The following KLHL22 variants were observed in gnomAD, a reference collection of about 807,000 sequenced individuals.
KLHL22 encodes the protein kelch like family member 22.
A neutral mutation model predicts 60.7 loss-of-function variants in KLHL22; 18 were observed. That is an observed-to-expected ratio of 0.30 (90% CI 0.20 to 0.44). The LOEUF is 0.44. KLHL22 is among the 20% of genes least tolerant of loss of function. The pLI, the probability that KLHL22 is intolerant of heterozygous loss-of-function variation, is 1.00. For synonymous variants in KLHL22, 355 were observed against 354.5 expected (o/e 1.00, Z -0.01); for missense variants, 596 against 852.3 (o/e 0.70, Z 3.74).
In KLHL22 at chr22:20,483,485, CCTT is replaced by C. The variant is rs554610910; in HGVS notation, c.227+5497_227+5499del. 274 of 741,400 alleles carry C rather than the reference CCTT, an allele frequency of 3.7e-4. No homozygotes were observed. The African/African-American group carries it at 3.8e-3, about 10-fold the overall frequency. The allele number at this position is 741,400 out of a possible 1,614,324, so 45.9% of individuals were successfully genotyped here. On this transcript the variant is annotated intron_variant, in intron 2 of 6. Coordinates refer to ENST00000328879, the MANE Select transcript of KLHL22 (RefSeq NM_032775.4). ...TTCTTCTTCATGAAGAGCAGCTCCT[CCTT>C]GAGAGCTTCGATCTCTGTCTCCAGC... is the stretch of plus-strand genomic sequence containing the variant.
intron 5 of KLHL22, chr22:20,449,986 C>T (rs1186624859): frequency 1.0e-5 from 6 of 576,012 alleles, no homozygotes; most frequent in Non-Finnish European, 1.9e-5. Context: ...GCTTCGGCTC[C>T]TCCTGAGCCA....
At chr22:20,463,696 G>A (rs1376704126) in intron 4 of KLHL22, among the ~76,000 whole-genome samples, 4 of 152,238 alleles carry the variant, frequency 2.6e-5, no homozygotes, top group Non-Finnish European at 5.9e-5. Context: ...GTTTAGAGAG[G>A]AAATGAAGGT....
chr22:20,492,631 C>G (rs1048425381), intron 1 of KLHL22, among the ~76,000 whole-genome samples: 1 of 151,848 alleles, frequency 6.6e-6, no homozygotes, highest in African/African-American at 2.4e-5. Flanking sequence ...GCTCTGTCAC[C>G]CAGGCTAGAG....
chr22:20,479,573 G>A (rs972074896), intron 2 of KLHL22, among the ~76,000 whole-genome samples: 2 of 151,608 alleles, frequency 1.3e-5, no homozygotes, highest in Non-Finnish European at 2.9e-5. Context: ...CAGGCATGGT[G>A]GTGCATGCCT....
Position 20,452,760 on chromosome 22 carries a change from A to T in KLHL22, c.1305+5048T>A, listed in dbSNP as rs1199400459. 3.3e-5 allele frequency among the ~76,000 whole-genome samples: 5 copies of T among 152,334 alleles called. No individual in the cohort carries two copies. The East Asian group carries it at 9.6e-4, about 29-fold the overall frequency. On this transcript the variant is annotated intron_variant, in intron 5 of 6. Transcript: ENST00000328879. ...AAAGCCTTTCTTTGTTGAATCAAAT[A>T]CTACTACACTATTACACTTCCACAC... is the stretch of plus-strand genomic sequence containing the variant.
intron 5 of KLHL22, chr22:20,456,199 C>T (rs2053060061): frequency 6.6e-6 from 1 of 152,184 alleles, no homozygotes; most frequent in Non-Finnish European, 1.5e-5. Context: ...TCCAGTTCAG[C>T]CCCCTCTTCA....
intron 1 of KLHL22, 112 bp from the exon 2 acceptor site, chr22:20,489,356 C>T: frequency 1.4e-6 from 1 of 738,726 alleles, no homozygotes; most frequent in Non-Finnish European, 2.3e-6. Context: ...CTCAGGCTCA[C>T]CTGTTTTCCC....
chr22:20,444,816 G>A (rs2052829543), intron 6 of KLHL22, among the ~76,000 whole-genome samples: 1 of 132,992 alleles, frequency 7.5e-6, no homozygotes. Context: ...ACAAGGTCTC[G>A]CTCTGTTGCC....
chr22:20,483,115 A>G, intron 2 of KLHL22: 1 of 642,648 alleles, frequency 1.6e-6, no homozygotes, highest in Non-Finnish European at 2.8e-6. Context: ...TCTACAGGGC[A>G]TAGAAGGCCT....
intron 1 of KLHL22, among the ~76,000 whole-genome samples, chr22:20,493,759 C>CA (rs1185059843): frequency 2.0e-5 from 3 of 151,968 alleles, no homozygotes; most frequent in Non-Finnish European, 2.9e-5. Context: ...AAAAAACAAA[C>CA]AAAAAAACAA....
At chr22:20,490,908 A>ACCCCTGCTCTAATTCAACTCTAACACTAC (rs1385577180) in intron 1 of KLHL22, among the ~76,000 whole-genome samples, 1 of 151,896 alleles carries the variant, frequency 6.6e-6, no homozygotes, top group East Asian at 1.9e-4. Flanking sequence ...GGGGTTGCGG[A>ACCCCTGCTCTAATTCAACTCTAACACTAC]CCCCTGCTCT....
chr22:20,489,285 G>T, intron 1 of KLHL22, 41 bp from the exon 2 acceptor site: 1 of 1,452,876 alleles, frequency 6.9e-7, no homozygotes, highest in Non-Finnish European at 9.6e-7. Flanking sequence ...GAGCAGGCAG[G>T]CATCAGCCCC....
chr22:20,484,904 T>TA (rs1199112726), intron 2 of KLHL22, among the ~76,000 whole-genome samples: 4 of 151,930 alleles, frequency 2.6e-5, no homozygotes, highest in Admixed American at 2.0e-4. Flanking sequence ...CCCAGCTAAT[T>TA]AAAAAAAATT....
intron 2 of KLHL22, chr22:20,483,692 G>A: frequency 2.7e-6 from 2 of 735,542 alleles, no homozygotes; most frequent in Non-Finnish European, 5.0e-6. Flanking sequence ...GCAAAGATCT[G>A]AGCCCTCAGG....
intron 2 of KLHL22, among the ~76,000 whole-genome samples, chr22:20,480,511 C>G (rs1404882349): frequency 1.3e-5 from 2 of 152,144 alleles, no homozygotes; most frequent in African/African-American, 4.8e-5. Context: ...AATGGCAAAC[C>G]AGTATGCTGC....
intron 1 of KLHL22, chr22:20,489,667 C>T: frequency 2.1e-6 from 1 of 470,574 alleles, no homozygotes; most frequent in Non-Finnish European, 4.4e-6. Flanking sequence ...GAACATGAAG[C>T]ATAAGCACAC....
intron 2 of KLHL22, 79 bp from the exon 3 acceptor site, chr22:20,471,594 G>A (rs2053327703): frequency 2.0e-6 from 3 of 1,494,004 alleles, no homozygotes; most frequent in African/African-American, 2.8e-5. Context: ...ACAGCATTCA[G>A]AGAAGAACCT....
At chr22:20,485,586 G>C (rs1329838004) in intron 2 of KLHL22, among the ~76,000 whole-genome samples, 1 of 152,212 alleles carries the variant, frequency 6.6e-6, no homozygotes, top group Admixed American at 6.5e-5. Flanking sequence ...GCAGAGAAGA[G>C]GCCAGGCATG....
chr22:20,462,928 A>C (rs2053178756), intron 4 of KLHL22, among the ~76,000 whole-genome samples: 1 of 152,120 alleles, frequency 6.6e-6, no homozygotes, highest in African/African-American at 2.4e-5. Flanking sequence ...GTAAGTAATA[A>C]CTCCTCAAAA....
Sources: allele counts gnomAD v4.1 joint callset (sites outside exome capture counted in the v4.1 genomes callset), GRCh38; gene constraint gnomAD v4.1.1; transcripts MANE v1.5; gene names NCBI Gene and HGNC (gene_info 2026-07-23, HGNC 2026-07-21).